ROR1: variants seen among roughly 807,000 people sequenced by gnomAD.
The protein encoded by ROR1 is ROR family WNT receptor 1, also known as inactive tyrosine-protein kinase transmembrane receptor ROR1.
In ROR1, 19 loss-of-function variants were observed where a neutral mutation model predicts 78.8. That is an observed-to-expected ratio of 0.24 (90% CI 0.17 to 0.35). The LOEUF is 0.35. Ranked by LOEUF, ROR1 falls within the 10% of genes least tolerant of loss-of-function variation. ROR1 has a pLI of 1.00. For missense variants in ROR1, 917 were observed against 1,177.8 expected (o/e 0.78, Z 3.24); for synonymous variants, 386 against 433.6 (o/e 0.89, Z 1.36).
rs1249533064 is a variant in ROR1 at position 64,181,124 on chromosome 1, C to T, written c.*2269C>T. 1 of 151,928 alleles carries T rather than the reference C, an allele frequency of 6.6e-6. No individual in the cohort carries two copies. The highest frequency in any genetic ancestry group is 2.4e-5 in the African/African-American group (1 of 41,400). The allele number at this position is 151,928 out of a possible 1,614,324, so 9.4% of individuals were successfully genotyped here. A position where few individuals can be genotyped will look rare whatever the true frequency, so the allele number is the denominator to read the frequency against. On this transcript the variant is annotated 3_prime_UTR_variant, in exon 9 of 9. Coordinates refer to ENST00000371079, the MANE Select transcript of ROR1 (RefSeq NM_005012.4). Reference sequence around the variant, plus strand: ...TGACTTTATTTTCAGATCTTTTTCTCCTTTTTTGCACAAAACTATGCTTAT... The same window carrying T: ...TGACTTTATTTTCAGATCTTTTTCTTCTTTTTTGCACAAAACTATGCTTAT...
rs1223184827 is a variant in ROR1, at chr1:64,074,999, G to A, written c.482+24283G>A. ...CTGTTGAGTGCTTATTAGTGTTCCC[G>A]AGGCACTGTGCTAAGCTCCTGACAT... On this transcript the variant is annotated intron_variant, in intron 4 of 8. Transcript: ENST00000371079. Among the ~76,000 whole-genome samples, 6 of 152,098 alleles carry A rather than the reference G, an allele frequency of 3.9e-5. No homozygotes were observed. In the East Asian group the frequency reaches 5.8e-4, roughly 15 times the overall value.
chr1:63,819,824 A>G (rs1644913579), intron 1 of ROR1, among the ~76,000 whole-genome samples: 1 of 152,188 alleles, frequency 6.6e-6, no homozygotes, highest in Admixed American at 6.5e-5. Flanking sequence ...TTGTAAGGAT[A>G]AAGTTTACAT....
At chr1:63,969,023 T>TG (rs1646098036) in intron 1 of ROR1, among the ~76,000 whole-genome samples, 1 of 152,204 alleles carries the variant, frequency 6.6e-6, no homozygotes, top group Non-Finnish European at 1.5e-5. Context: ...CTCCAAATCC[T>TG]GGATTCTCTA....
At chr1:64,163,482 G>A (rs1334714253) in intron 8 of ROR1, among the ~76,000 whole-genome samples, 2 of 152,134 alleles carry the variant, frequency 1.3e-5, no homozygotes, top group African/African-American at 4.8e-5. Flanking sequence ...CAGGCCAGGG[G>A]TGTGAGATGC....
rs1022568552 is a variant in ROR1, at chr1:63,974,483, C to T, written c.92-34822C>T. Among the ~76,000 whole-genome samples the T allele has an allele frequency of 7.2e-5, 11 of 152,160 alleles. No homozygotes were observed. In the East Asian group the frequency reaches 9.6e-4, roughly 13 times the overall value. The stretch of plus-strand genomic sequence containing the variant: ...TGTTTTGAGACAGAGTCCCCTGTCA[C>T]GCAGGCTGGAGTGCAGTGGCGCAAT... On this transcript the variant is annotated intron_variant, in intron 1 of 8. Coordinates refer to ENST00000371079, the MANE Select transcript of ROR1 (RefSeq NM_005012.4).
chr1:63,968,583 G>T (rs1185082336), intron 1 of ROR1, among the ~76,000 whole-genome samples: 5 of 152,066 alleles, frequency 3.3e-5, no homozygotes, highest in Non-Finnish European at 5.9e-5. Flanking sequence ...GTCAATGCAG[G>T]TTTCTTCACT....
intron 1 of ROR1, among the ~76,000 whole-genome samples, chr1:63,778,510 T>A (rs1644630992): frequency 6.6e-6 from 1 of 152,162 alleles, no homozygotes; most frequent in South Asian, 2.1e-4. Flanking sequence ...CCTCCCAGTT[T>A]CCCTTCCACC....
At chr1:63,932,442 A>G (rs77370164) in intron 1 of ROR1, among the ~76,000 whole-genome samples, 3,949 of 152,228 alleles carry the variant, frequency 0.026, 175 homozygotes, top group African/African-American at 0.09. Flanking sequence ...CTTCTGAACT[A>G]GAAAAAGGCT....
chr1:64,112,800 G>A (rs1030668807), intron 4 of ROR1, among the ~76,000 whole-genome samples: 2 of 152,024 alleles, frequency 1.3e-5, no homozygotes, highest in African/African-American at 4.8e-5. Flanking sequence ...AGGTTCAACT[G>A]GCAGTTCTAT....
chr1:63,867,863 C>G (rs1020870617), intron 1 of ROR1, among the ~76,000 whole-genome samples: 8 of 152,338 alleles, frequency 5.3e-5, no homozygotes, highest in Middle Eastern at 3.4e-3. Context: ...ATCTGCTTCT[C>G]TTTTCCCGAT....
intron 8 of ROR1, among the ~76,000 whole-genome samples, chr1:64,161,053 T>G (rs1044704459): frequency 2.0e-5 from 3 of 152,244 alleles, no homozygotes; most frequent in African/African-American, 7.2e-5. Flanking sequence ...CAACAGAAAT[T>G]CCAGAGAGCT....
intron 4 of ROR1, among the ~76,000 whole-genome samples, chr1:64,064,843 C>T (rs1646944152): frequency 1.3e-5 from 2 of 152,130 alleles, no homozygotes; most frequent in African/African-American, 4.8e-5. Flanking sequence ...AAGCAGACCT[C>T]TTTTATTTAT....
intron 5 of ROR1, 152 bp from the exon 6 acceptor site, chr1:64,139,957 G>T: frequency 1.5e-6 from 1 of 680,282 alleles, no homozygotes; most frequent in Non-Finnish European, 2.4e-6. Flanking sequence ...AAGCTGCTTA[G>T]ACATCTGAAA....
At chr1:63,789,057 C>T (rs922111602) in intron 1 of ROR1, 1 of 625,204 alleles carries the variant, frequency 1.6e-6, no homozygotes, top group Non-Finnish European at 3.1e-6. Context: ...ATTGGTTGTA[C>T]CCTTTCGCTT....
chr1:63,812,642 C>CT (rs1644867151), intron 1 of ROR1, among the ~76,000 whole-genome samples: 1 of 152,138 alleles, frequency 6.6e-6, no homozygotes, highest in Admixed American at 6.5e-5. Context: ...AAAATAAGAA[C>CT]AGTGCTACCT....
At chr1:63,811,565 A>G (rs756399023) in intron 1 of ROR1, among the ~76,000 whole-genome samples, 4 of 152,056 alleles carry the variant, frequency 2.6e-5, no homozygotes. Flanking sequence ...CCCTCACTCC[A>G]TCTTTTTTTT....
At chr1:64,121,448 C>T (rs993024796) in intron 4 of ROR1, among the ~76,000 whole-genome samples, 3 of 152,128 alleles carry the variant, frequency 2.0e-5, no homozygotes, top group African/African-American at 7.2e-5. Flanking sequence ...TGATGGACAA[C>T]TAGAAGTCTC....
At chr1:63,832,447 AG>A (rs1416416056) in intron 1 of ROR1, among the ~76,000 whole-genome samples, 4 of 152,304 alleles carry the variant, frequency 2.6e-5, no homozygotes, top group Non-Finnish European at 4.4e-5. Flanking sequence ...TTATGGTGGA[AG>A]GTGAAGGAGA....
intron 1 of ROR1, among the ~76,000 whole-genome samples, chr1:63,861,481 A>AT (rs1329513605): frequency 1.3e-5 from 2 of 152,144 alleles, no homozygotes; most frequent in Admixed American, 1.3e-4. Context: ...AGGCCAGAAC[A>AT]CCAGGTTTGG....
Sources: gnomAD v4.1 joint callset for allele counts (sites outside exome capture counted in the v4.1 genomes callset) on GRCh38, gnomAD v4.1.1 for gene constraint, MANE v1.5 for transcripts, NCBI Gene and HGNC (gene_info 2026-07-23, HGNC 2026-07-21) for gene names.